Variants in ABCF3 observed in about 807,000 individuals in gnomAD.
ABCF3 encodes the protein ATP-binding cassette sub-family F member 3.
A neutral mutation model predicts 94.3 loss-of-function variants in ABCF3; 62 were observed. That is an observed-to-expected ratio of 0.66 (90% CI 0.54 to 0.81). The LOEUF (loss-of-function observed/expected upper bound fraction) is 0.81, where lower values mean the gene tolerates loss of function less well. Ranked by LOEUF, ABCF3 falls within the 40% of genes least tolerant of loss-of-function variation. The probability of loss-of-function intolerance (pLI) is 0.00; values close to 1 mark genes in which losing one functional copy is unlikely to be tolerated. For synonymous variants in ABCF3, 355 were observed against 361.1 expected (o/e 0.98, Z 0.19); for missense variants, 843 against 925.3 (o/e 0.91, Z 1.15).
Position 184,193,292 on chromosome 3 carries a change from A to C in ABCF3, c.1883+58A>C. On this transcript the variant is annotated intron_variant, in intron 19 of 20. Coordinates refer to ENST00000429586, the MANE Select transcript of ABCF3 (RefSeq NM_018358.3). This position sits in a 1 kb window ranked among gnomAD's most constrained non-coding sequence, Gnocchi z 5.2. ...CCATTTCCCCTTCTTGCCCAGTAGA[A>C]AACTGTATCAGAAGGCTTTATTTTC... 1 of 1,609,448 alleles carries C rather than the reference A, an allele frequency of 6.2e-7. No individual in the cohort carries two copies. The highest frequency in any genetic ancestry group is 8.5e-7 in the Non-Finnish European group (1 of 1,177,552).
rs367593462 is a variant in ABCF3, at chr3:184,188,337, G to A, written c.766G>A (p.Glu256Lys). The A allele has an allele frequency of 1.1e-5, 18 of 1,613,902 alleles. No individual in the cohort carries two copies. The highest frequency in any genetic ancestry group is 1.4e-5 in the Non-Finnish European group (17 of 1,180,052). Reference sequence around the variant, plus strand: ...CACTCCTGCCCTGCAGAGTGTGCTGGAGAGTGACAGTGTGCGAGAGGATTT... The same window carrying A: ...CACTCCTGCCCTGCAGAGTGTGCTGAAGAGTGACAGTGTGCGAGAGGATTT... ...DDTPALQSVLESDSVREDLLR... is the reference protein window; with the variant it reads ...DDTPALQSVLKSDSVREDLLR... The change falls in exon 7 of 21, where the codon GAG becomes AAG. Residue 256 changes from glutamate to lysine, a missense_variant. Glu to Lys is a moderately conservative substitution (Grantham distance 56, BLOSUM62 1). Coordinates refer to ENST00000429586, the MANE Select transcript of ABCF3 (RefSeq NM_018358.3).
chr3:184,189,055 A>T (rs1560134153), intron 9 of ABCF3, 33 bp from the exon 10 acceptor site: 1 of 1,613,928 alleles, frequency 6.2e-7, no homozygotes, highest in Admixed American at 1.7e-5. Flanking sequence ...CCTGATGAAC[A>T]CCCACCCATA....
At chr3:184,187,046 G>C in intron 3 of ABCF3, 171 bp downstream of exon 3, 1 of 701,254 alleles carries the variant, frequency 1.4e-6, no homozygotes, top group Non-Finnish European at 2.4e-6. Flanking sequence ...TGGGGAGGAG[G>C]TTGGAGGGTT....
In ABCF3 at chr3:184,193,642, T is replaced by C; in HGVS notation, c.2074T>C (p.Phe692Leu). Residue 692 changes from phenylalanine to leucine, a missense_variant, in exon 21 of 21, where the codon TTT (phenylalanine) becomes CTT (leucine). Coordinates refer to ENST00000429586, the MANE Select transcript of ABCF3 (RefSeq NM_018358.3). The surrounding 1 kb of genome is among the most constrained non-coding windows in gnomAD (Gnocchi z 5.2). ...CGGCGTCACCCGTGTGGAAGGAGGA[T>C]TTGACCAGTACCGCGCCCTCCTCCA... Reference protein sequence around the residue: ...GGGVTRVEGGFDQYRALLQEQ... With the variant: ...GGGVTRVEGGLDQYRALLQEQ... 6.2e-7 allele frequency: 1 copy of C among 1,613,994 alleles called. No homozygotes were observed.
At position 184,187,685 on chromosome 3, in the gene ABCF3, G is replaced by A. The variant is rs1715727711; in HGVS notation, c.370G>A (p.Glu124Lys). The A allele has an allele frequency of 2.5e-6, 4 of 1,614,106 alleles. No individual in the cohort carries two copies. Among genetic ancestry groups the A allele is most frequent in the Admixed American group, 3.3e-5 (2 of 60,010 alleles). Reference sequence around the variant, plus strand: ...TTAGACAGTGAATGCAAAGAAGTTAGAGAAGGCCGAGGCTCGACTTAAGGC... The same window carrying A: ...TTAGACAGTGAATGCAAAGAAGTTAAAGAAGGCCGAGGCTCGACTTAAGGC... The part of the protein sequence containing the change: ...QSSTVNAKKL[E>K]KAEARLKAKQ... Residue 124 changes from glutamate to lysine, a missense_variant, in exon 5 of 21, where the codon GAG becomes AAG. Coordinates refer to ENST00000429586, the MANE Select transcript of ABCF3 (RefSeq NM_018358.3).
In ABCF3 at chr3:184,193,650, G is replaced by C; in HGVS notation, c.2082G>C (p.Gln694His). The C allele has an allele frequency of 6.2e-7, 1 of 1,614,082 alleles. No individual in the cohort carries two copies. The highest frequency in any genetic ancestry group is 1.1e-5 in the South Asian group (1 of 91,080). Residue 694 changes from glutamine to histidine, a missense_variant, in exon 21 of 21, where the codon CAG becomes CAC. Coordinates refer to ENST00000429586, the MANE Select transcript of ABCF3 (RefSeq NM_018358.3). The surrounding 1 kb of genome is among the most constrained non-coding windows in gnomAD (Gnocchi z 5.2). ...CCCGTGTGGAAGGAGGATTTGACCA[G>C]TACCGCGCCCTCCTCCAGGAACAGT... ...GVTRVEGGFD[Q>H]YRALLQEQFR...
intron 3 of ABCF3, 180 bp downstream of exon 3, chr3:184,187,055 T>C: frequency 1.5e-6 from 1 of 677,446 alleles, no homozygotes; most frequent in Non-Finnish European, 2.5e-6. Context: ...GGTTGGAGGG[T>C]TCTCCCTCCA....
At position 184,189,681 on chromosome 3, in the gene ABCF3, T is replaced by G; in HGVS notation, c.1238T>G (p.Ile413Ser). 1 of 1,614,094 alleles carries G rather than the reference T, an allele frequency of 6.2e-7. No individual in the cohort carries two copies. The change falls in exon 13 of 21, where the codon ATC becomes AGC. Residue 413 changes from isoleucine (I) to serine (S), a missense_variant. Physicochemically the swap from Ile to Ser is moderately radical, Grantham distance 142. Coordinates refer to ENST00000429586, the MANE Select transcript of ABCF3 (RefSeq NM_018358.3). ...DGYRGDFETF[I>S]KSKQERLLNQ... ...TACCGGGGAGACTTTGAGACCTTCATCAAGAGTAAGCAGGAGCGGCTGCTC... is the reference window on the plus strand; with the variant it reads ...TACCGGGGAGACTTTGAGACCTTCAGCAAGAGTAAGCAGGAGCGGCTGCTC...
chr3:184,191,264 G>A lies in ABCF3; in HGVS notation c.1569+9G>A. On this transcript the variant is annotated intron_variant, in intron 16 of 20. Transcript: ENST00000429586. ...AGTCTCGCATCTGTGTGGTAAGGCT[G>A]CTGTTTCTCTGTGCTGCGAGCTGGG... 2 of 1,613,878 alleles carry A rather than the reference G, an allele frequency of 1.2e-6. No homozygotes were observed. Among genetic ancestry groups the A allele is most frequent in the Non-Finnish European group, 1.7e-6 (2 of 1,180,044 alleles).
intron 12 of ABCF3, 36 bp downstream of exon 12, chr3:184,189,479 A>G: frequency 1.2e-6 from 2 of 1,613,948 alleles, no homozygotes; most frequent in Non-Finnish European, 8.5e-7. Flanking sequence ...TGTTGGGGAA[A>G]GGCGGCCTCC....
At chr3:184,190,847 C>A in intron 14 of ABCF3, 152 bp from the exon 15 acceptor site, 1 of 879,142 alleles carries the variant, frequency 1.1e-6, no homozygotes, top group Non-Finnish European at 1.7e-6. Context: ...TATTTTTTAG[C>A]ATACAGTAAA....
rs747841183 is a variant in ABCF3, at chr3:184,193,231, C to T, written c.1880C>T (p.Pro627Leu). ...GTGGCCTTTGCTCAGATGACTATGC[C>T]CTGGTGAGGCCTCATTTTCCAGAGC... ...SRVAFAQMTMPCPNFYILDEP... is the reference protein window; with the variant it reads ...SRVAFAQMTMLCPNFYILDEP... The change falls in exon 19 of 21, where the codon CCC (proline) becomes CTC (leucine). Residue 627 changes from proline to leucine, a missense_variant. Physicochemically the swap from Pro to Leu is moderately conservative, Grantham distance 98. Transcript: ENST00000429586. This position sits in a 1 kb window ranked among gnomAD's most constrained non-coding sequence, Gnocchi z 5.2. 1 of 1,570,340 alleles carries T rather than the reference C, an allele frequency of 6.4e-7. No homozygotes were observed. Among genetic ancestry groups the T allele is most frequent in the East Asian group, 2.2e-5 (1 of 44,624 alleles).
Position 184,187,990 on chromosome 3 carries a change from G to T in ABCF3, c.569+7G>T. 8 of 1,613,918 alleles carry T rather than the reference G, an allele frequency of 5.0e-6. No individual in the cohort carries two copies. The highest frequency in any genetic ancestry group is 1.1e-5 in the South Asian group (1 of 91,084). ...ATGTGTCTTTTGGCGATAGGTGAGGGAATAGTGGTGGCAGGGGTTGGCTTT... is the reference window on the plus strand; with the variant it reads ...ATGTGTCTTTTGGCGATAGGTGAGGTAATAGTGGTGGCAGGGGTTGGCTTT... On this transcript the variant is annotated splice_region_variant and intron_variant, in intron 6 of 20. Transcript: ENST00000429586.
At chr3:184,192,322 C>G (rs996926674) in intron 16 of ABCF3, among the ~76,000 whole-genome samples, 3 of 152,170 alleles carry the variant, frequency 2.0e-5, no homozygotes, top group Admixed American at 6.5e-5. Flanking sequence ...AATGTACAGT[C>G]TATCATTGTG....
chr3:184,188,970 T>TGCA lies in ABCF3; in HGVS notation c.968_970dup (p.Gln323dup). 1.2e-6 allele frequency: 2 copies of TGCA among 1,614,240 alleles called. No homozygotes were observed. The highest frequency in any genetic ancestry group is 1.7e-6 in the Non-Finnish European group (2 of 1,180,038). On this transcript the variant is annotated inframe_insertion, in exon 9 of 21. Coordinates refer to ENST00000429586, the MANE Select transcript of ABCF3 (RefSeq NM_018358.3). Reference sequence around the variant, plus strand: ...GCTGGGCTTGGCTTTACCCCTAAAATGCAGCAGCAGCCCACCCGGTGAGTG... The same window carrying TGCA: ...GCTGGGCTTGGCTTTACCCCTAAAATGCAGCAGCAGCAGCCCACCCGGTGAGTG...
In ABCF3 at chr3:184,193,683, CGAAGGCTTCCTCTAGGGCCACCAG is replaced by C. The variant is rs1560138259; in HGVS notation, c.2117_*10del. 6.2e-7 allele frequency: 1 copy of C among 1,611,658 alleles called. No individual in the cohort carries two copies. The highest frequency in any genetic ancestry group is 1.1e-5 in the South Asian group (1 of 90,778). The stretch of plus-strand genomic sequence containing the variant: ...CCCTCCTCCAGGAACAGTTCCGCCG[CGAAGGCTTCCTCTAGGGCCACCAG>C]GCTGAGGACTCGCCCAGGACATGGA... On this transcript the variant is annotated stop_lost and 3_prime_UTR_variant, in exon 21 of 21. Transcript: ENST00000429586. This position sits in a 1 kb window ranked among gnomAD's most constrained non-coding sequence, Gnocchi z 5.2.
At chr3:184,191,279 TGC>T (rs1289570323) in intron 16 of ABCF3, 24 bp downstream of exon 16, 1 of 1,613,202 alleles carries the variant, frequency 6.2e-7, no homozygotes, top group Admixed American at 1.7e-5. Flanking sequence ...TTCTCTGTGC[TGC>T]GAGCTGGGAC....
chr3:184,191,107 C>T lies in ABCF3; in HGVS notation c.1437-16C>T, dbSNP rs747696154. 28 of 1,614,216 alleles carry T rather than the reference C, an allele frequency of 1.7e-5. No homozygotes were observed. Among genetic ancestry groups the T allele is most frequent in the Non-Finnish European group, 2.4e-5 (28 of 1,180,040 alleles). ...GCTTCCAGCTGCCCCCACATCCTCACCCCTACCTCCTGCAGGTTCCCTGAT... is the reference window on the plus strand; with the variant it reads ...GCTTCCAGCTGCCCCCACATCCTCATCCCTACCTCCTGCAGGTTCCCTGAT... On this transcript the variant is annotated splice_polypyrimidine_tract_variant and intron_variant, in intron 15 of 20. Transcript: ENST00000429586.
chr3:184,193,506 C>T lies in ABCF3; in HGVS notation c.1972-34C>T. 5 of 1,614,040 alleles carry T rather than the reference C, an allele frequency of 3.1e-6. No individual in the cohort carries two copies. Among genetic ancestry groups the T allele is most frequent in the Non-Finnish European group, 3.4e-6 (4 of 1,179,964 alleles). On this transcript the variant is annotated intron_variant, in intron 20 of 20. Transcript: ENST00000429586. This position sits in a 1 kb window ranked among gnomAD's most constrained non-coding sequence, Gnocchi z 5.2. ...TCCCAGGCCTCGGTGCCTCTTGTGT[C>T]CCCCTGAGCACCTCCTGCCCTCCTG... is the stretch of plus-strand genomic sequence containing the variant.
Sources: gnomAD v4.1 joint callset for allele counts (sites outside exome capture counted in the v4.1 genomes callset) on GRCh38, gnomAD v4.1.1 for gene constraint, Gnocchi (gnomAD v3.1) non-coding constraint, MANE v1.5 for transcripts, NCBI Gene and HGNC (gene_info 2026-07-23, HGNC 2026-07-21) for gene names.